PRKCE: variants seen among roughly 807,000 people sequenced by gnomAD.
PRKCE encodes protein kinase C epsilon type.
In PRKCE, 16 loss-of-function variants were observed where a neutral mutation model predicts 85.4. The observed-to-expected ratio is 0.19, with a 90% CI of 0.13 to 0.28. The LOEUF (loss-of-function observed/expected upper bound fraction) is 0.28, where lower values mean the gene tolerates loss of function less well. Among genes scored for constraint, PRKCE ranks in the 10% least tolerant of loss-of-function variants. The probability of loss-of-function intolerance (pLI) is 1.00; values close to 1 mark genes in which losing one functional copy is unlikely to be tolerated. For synonymous variants in PRKCE, 388 were observed against 371.5 expected, an observed-to-expected ratio of 1.04 and a Z score of -0.51; for missense variants, 573 against 975.2, an observed-to-expected ratio of 0.59 and a Z score of 5.49.
chr2:45,761,566 C>G (rs1374668134), intron 1 of PRKCE, among the ~76,000 whole-genome samples: 2 of 152,072 alleles, frequency 1.3e-5, no homozygotes, highest in Non-Finnish European at 2.9e-5. Flanking sequence ...TCTCAAGCCC[C>G]CAGCCTGAGG....
At chr2:45,721,164 T>A (rs1680589416) in intron 1 of PRKCE, among the ~76,000 whole-genome samples, 1 of 151,950 alleles carries the variant, frequency 6.6e-6, no homozygotes, top group Admixed American at 6.6e-5. Flanking sequence ...AGCAGGTAAT[T>A]GCCTGGGTTT....
At chr2:45,678,054 A>T (rs513386) in intron 1 of PRKCE, 48,478 of 225,372 alleles carry the variant, frequency 0.22, 6,193 homozygotes, top group Non-Finnish European at 0.26. Context: ...GCCAGGGGGA[A>T]AACTTTGTGG....
intron 2 of PRKCE, among the ~76,000 whole-genome samples, chr2:45,966,714 G>C (rs1016272403): frequency 6.6e-6 from 1 of 152,068 alleles, no homozygotes; most frequent in East Asian, 1.9e-4. Context: ...CAGTCTTTCT[G>C]ACAGTTTTCC....
chr2:46,106,134 A>C (rs577195699), intron 11 of PRKCE, among the ~76,000 whole-genome samples: 1 of 152,282 alleles, frequency 6.6e-6, no homozygotes, highest in African/African-American at 2.4e-5. Context: ...CAATATATTT[A>C]TTGAAAAAAA....
intron 2 of PRKCE, among the ~76,000 whole-genome samples, chr2:45,872,582 G>A (rs938901157): frequency 2.0e-5 from 3 of 152,204 alleles, no homozygotes; most frequent in African/African-American, 2.4e-5. Context: ...GATGACAGTG[G>A]CCTGAATCAG....
chr2:46,034,194 C>T (rs1707713807), intron 10 of PRKCE, among the ~76,000 whole-genome samples: 2 of 152,162 alleles, frequency 1.3e-5, no homozygotes, highest in South Asian at 4.1e-4. Context: ...GTACTTATAC[C>T]TCAATGTTAC....
intron 1 of PRKCE, among the ~76,000 whole-genome samples, chr2:45,751,720 C>T (rs1412161623): frequency 6.6e-6 from 1 of 151,638 alleles, no homozygotes; most frequent in Non-Finnish European, 1.5e-5. Context: ...TTTCAAAACA[C>T]ATTTTTGAAA....
Position 46,184,494 on chromosome 2 carries a change from A to G in PRKCE, c.2068-241A>G, listed in dbSNP as rs1680304478. Among the ~76,000 whole-genome samples the G allele has an allele frequency of 2.0e-5, 3 of 151,430 alleles. No homozygotes were observed. Among genetic ancestry groups the G allele is most frequent in the African/African-American group, 7.3e-5 (3 of 41,134 alleles). On this transcript the variant is annotated intron_variant, in intron 14 of 14. Coordinates refer to ENST00000306156, the MANE Select transcript of PRKCE (RefSeq NM_005400.3). This position sits in a 1 kb window ranked among gnomAD's most constrained non-coding sequence, Gnocchi z 5.0. The stretch of plus-strand genomic sequence containing the variant: ...GGGAATCCCACTTCCCTGCTTTTCC[A>G]TCATACCCTCTCACCCCTTCTTCCT...
At chr2:46,067,324 TAATAGGAAAAGAATGGTACTTA>T (rs1295094427) in intron 10 of PRKCE, among the ~76,000 whole-genome samples, 1 of 152,152 alleles carries the variant, frequency 6.6e-6, no homozygotes, top group African/African-American at 2.4e-5. Context: ...CAGTTTGGAT[TAATAGGAAAAGAATGGTACTTA>T]AAGTAGTGGT....
intron 1 of PRKCE, among the ~76,000 whole-genome samples, chr2:45,653,370 GTTTTTTTTTTT>G (rs34888247): frequency 1.8e-4 from 11 of 61,480 alleles, no homozygotes; most frequent in East Asian, 7.7e-4. Context: ...TTTTTGGGTT[GTTTTTTTTTTT>G]TTTTTTTTTT....
chr2:45,762,722 T>G (rs1212217481), intron 1 of PRKCE, among the ~76,000 whole-genome samples: 2 of 152,238 alleles, frequency 1.3e-5, no homozygotes, highest in Non-Finnish European at 2.9e-5. Flanking sequence ...ACTTATTTTA[T>G]GCTAGGTCCA....
chr2:45,795,689 T>A (rs1316668157), intron 1 of PRKCE, among the ~76,000 whole-genome samples: 1 of 152,208 alleles, frequency 6.6e-6, no homozygotes, highest in Non-Finnish European at 1.5e-5. Context: ...ATAGTCAGCT[T>A]CTTCAAACCA....
At chr2:45,799,296 G>C (rs55982159) in intron 1 of PRKCE, among the ~76,000 whole-genome samples, 7,568 of 151,948 alleles carry the variant, frequency 0.05, 646 homozygotes, top group African/African-American at 0.17. Flanking sequence ...CTCATTTTCA[G>C]TGATCTAAAG....
chr2:46,059,135 C>T (rs980744526), intron 10 of PRKCE, among the ~76,000 whole-genome samples: 1 of 152,052 alleles, frequency 6.6e-6, no homozygotes, highest in African/African-American at 2.4e-5. Flanking sequence ...TTTGTGGTCC[C>T]AGCTACTTGG....
At chr2:45,737,428 T>C (rs904661739) in intron 1 of PRKCE, among the ~76,000 whole-genome samples, 4 of 152,196 alleles carry the variant, frequency 2.6e-5, no homozygotes, top group Non-Finnish European at 4.4e-5. Flanking sequence ...AGACATCCAC[T>C]ACCTGTCCAG....
chr2:45,705,228 G>A (rs1399102821), intron 1 of PRKCE, among the ~76,000 whole-genome samples: 1 of 152,210 alleles, frequency 6.6e-6, no homozygotes, highest in African/African-American at 2.4e-5. Context: ...AGCAGCGCTA[G>A]GGGCCTGAAC....
At chr2:45,670,223 C>T (rs1411362395) in intron 1 of PRKCE, among the ~76,000 whole-genome samples, 1 of 152,146 alleles carries the variant, frequency 6.6e-6, no homozygotes, top group East Asian at 1.9e-4. Flanking sequence ...TCATCTGACT[C>T]TTTCCAAATT....
intron 2 of PRKCE, among the ~76,000 whole-genome samples, chr2:45,887,058 T>C (rs541272606): frequency 6.6e-6 from 1 of 152,346 alleles, no homozygotes; most frequent in East Asian, 1.9e-4. Flanking sequence ...CTCCTTCTTG[T>C]AAACTCTGAT....
intron 1 of PRKCE, among the ~76,000 whole-genome samples, chr2:45,837,340 T>C (rs1416116093): frequency 1.3e-5 from 2 of 152,226 alleles, no homozygotes; most frequent in Admixed American, 6.5e-5. Context: ...CACTGCAGCC[T>C]CCGCCTCCCA....
Sources: allele counts gnomAD v4.1 joint callset (sites outside exome capture counted in the v4.1 genomes callset), GRCh38; gene constraint gnomAD v4.1.1; non-coding constraint Gnocchi (gnomAD v3.1); transcripts MANE v1.5; gene names NCBI Gene and HGNC (gene_info 2026-07-23, HGNC 2026-07-21).